The following SPATA21 variants were observed in gnomAD, a reference collection of about 807,000 sequenced individuals.
SPATA21 encodes the protein spermatogenesis associated 21, also known as spermatogenesis-associated protein 21.
In SPATA21, 47 loss-of-function variants were observed where a neutral mutation model predicts 54.8. The observed-to-expected ratio is 0.86, with a 90% CI of 0.68 to 1.09. SPATA21 has a LOEUF of 1.09. Ranked by LOEUF, SPATA21 falls within the 50% of genes least tolerant of loss-of-function variation. The pLI is 0.00. For synonymous variants in SPATA21, 245 were observed against 235.3 expected, an observed-to-expected ratio of 1.04 and a Z score of -0.38; for missense variants, 599 against 596.4, an observed-to-expected ratio of 1.00 and a Z score of -0.05.
At chr1:16,419,903 G>T (rs1346530492) in intron 5 of SPATA21, among the ~76,000 whole-genome samples, 1 of 152,180 alleles carries the variant, frequency 6.6e-6, no homozygotes, top group Admixed American at 6.5e-5. Context: ...TTGCGCCACT[G>T]CACTTCAGCC....
Position 16,427,753 on chromosome 1 carries a change from G to A in SPATA21, c.34+3585C>T, listed in dbSNP as rs192165186. 1.0e-5 allele frequency: 12 copies of A among 1,187,488 alleles called. No individual in the cohort carries two copies. The East Asian group carries it at 1.1e-4, about 11-fold the overall frequency. The allele number at this position is 1,187,488 out of a possible 1,614,324, so 73.6% of individuals were successfully genotyped here. A position where few individuals can be genotyped will look rare whatever the true frequency, so the allele number is the denominator to read the frequency against. ...TGAAAGAGAAGGACAAGGTGCTGTC[G>A]TGGGTGGAGCTGCCTTGGCCTGGGA... is the stretch of plus-strand genomic sequence containing the variant. On this transcript the variant is annotated intron_variant, in intron 3 of 12. Transcript: ENST00000335496.
At chr1:16,407,799 T>C (rs1453008899) in intron 7 of SPATA21, among the ~76,000 whole-genome samples, 4 of 152,124 alleles carry the variant, frequency 2.6e-5, no homozygotes. Context: ...AGGGTCTTGC[T>C]CTGTCGCCCA....
In SPATA21 at chr1:16,437,326, T is replaced by C. The variant is rs1341579766; in HGVS notation, c.-385A>G. On this transcript the variant is annotated 5_prime_UTR_variant, in exon 1 of 13. The change creates a new upstream start codon in the 5' untranslated region. Coordinates refer to ENST00000335496, the MANE Select transcript of SPATA21 (RefSeq NM_198546.1). ...GAGGTTTAGGAATGCATTTCAGGAA[T>C]ATCCAGCCATGTGGTTAGGGTTTGA... 1 of 152,268 alleles carries C rather than the reference T, an allele frequency of 6.6e-6. No homozygotes were observed. The highest frequency in any genetic ancestry group is 6.5e-5 in the Admixed American group (1 of 15,274). 9.4% of individuals were successfully genotyped at this position (152,268 alleles called of 1,614,324 possible).
chr1:16,421,420 C>A lies in SPATA21; in HGVS notation c.144+89G>T. The A allele has an allele frequency of 1.5e-6, 2 of 1,321,732 alleles. No homozygotes were observed. The highest frequency in any genetic ancestry group is 2.8e-5 in the South Asian group (2 of 71,292). 81.9% of individuals were successfully genotyped at this position (1,321,732 alleles called of 1,614,324 possible). On this transcript the variant is annotated intron_variant, in intron 5 of 12. Coordinates refer to ENST00000335496, the MANE Select transcript of SPATA21 (RefSeq NM_198546.1). The surrounding 1 kb of genome is among the most constrained non-coding windows in gnomAD (Gnocchi z 5.2). ...GACTCCAAATAGGGGTTTGACGTGCCACATCCGCTTCTGCCCTCTTCCTCC... is the reference window on the plus strand; with the variant it reads ...GACTCCAAATAGGGGTTTGACGTGCAACATCCGCTTCTGCCCTCTTCCTCC...
At chr1:16,399,932 G>C (rs1250902502) in intron 11 of SPATA21, among the ~76,000 whole-genome samples, 1 of 152,192 alleles carries the variant, frequency 6.6e-6, no homozygotes, top group Non-Finnish European at 1.5e-5. Context: ...CCAGTGGAAA[G>C]AGCATAGATT....
intron 5 of SPATA21, chr1:16,410,910 G>T (rs890154512): frequency 3.5e-6 from 1 of 283,068 alleles, no homozygotes; most frequent in Middle Eastern, 4.1e-4. Context: ...CCTGTTGTCT[G>T]CCCTCCTGAC....
chr1:16,435,640 A>C (rs1408183688), intron 1 of SPATA21, among the ~76,000 whole-genome samples: 1 of 147,526 alleles, frequency 6.8e-6, no homozygotes, highest in Non-Finnish European at 1.5e-5. Context: ...TTTTTCAGAC[A>C]GGGTCTTACT....
At chr1:16,406,641 C>T (rs2085651185) in intron 7 of SPATA21, among the ~76,000 whole-genome samples, 2 of 152,142 alleles carry the variant, frequency 1.3e-5, no homozygotes, top group Admixed American at 1.3e-4. Context: ...ACTCAGGAGG[C>T]TGAGGTGGAA....
At chr1:16,424,429 AT>A (rs1326967664) in intron 3 of SPATA21, among the ~76,000 whole-genome samples, 4 of 149,092 alleles carry the variant, frequency 2.7e-5, no homozygotes, top group Admixed American at 2.0e-4. Context: ...TTTTATTTTT[AT>A]TTTTTTTGAG....
chr1:16,399,649 C>G, intron 11 of SPATA21, 128 bp from the exon 12 acceptor site: 1 of 1,038,380 alleles, frequency 9.6e-7, no homozygotes, highest in Non-Finnish European at 1.4e-6. Context: ...GTCACTTAAC[C>G]TCTCTAAGCT....
At chr1:16,418,341 G>A (rs982811825) in intron 5 of SPATA21, among the ~76,000 whole-genome samples, 3 of 151,950 alleles carry the variant, frequency 2.0e-5, no homozygotes, top group African/African-American at 7.3e-5. Flanking sequence ...GCGTGATCTC[G>A]GCTCACTGGA....
Position 16,398,705 on chromosome 1 carries a change from C to G in SPATA21, c.*60G>C, listed in dbSNP as rs764597525. The stretch of plus-strand genomic sequence containing the variant: ...AAGCAAATCCCAGCAGCAGCTCCTG[C>G]CTGGTGGCCCATCTGTCTACAGGCC... On this transcript the variant is annotated 3_prime_UTR_variant, in exon 13 of 13. Transcript: ENST00000335496. 1.3e-6 allele frequency: 2 copies of G among 1,586,834 alleles called. No homozygotes were observed. The highest frequency in any genetic ancestry group is 3.3e-5 in the Admixed American group (2 of 59,786).
At chr1:16,420,441 C>T (rs1408770559) in intron 5 of SPATA21, among the ~76,000 whole-genome samples, 8 of 151,576 alleles carry the variant, frequency 5.3e-5, no homozygotes, top group Admixed American at 1.3e-4. Context: ...AGCTTGAACC[C>T]GGGAGGTGGA....
intron 2 of SPATA21, among the ~76,000 whole-genome samples, chr1:16,432,064 G>T (rs1048459387): frequency 6.6e-6 from 1 of 151,214 alleles, no homozygotes; most frequent in African/African-American, 2.4e-5. Flanking sequence ...CCCACACCCT[G>T]CCCTGGACAC....
intron 5 of SPATA21, among the ~76,000 whole-genome samples, chr1:16,420,003 T>G (rs1221145660): frequency 6.6e-6 from 1 of 151,904 alleles, no homozygotes; most frequent in Admixed American, 6.6e-5. Flanking sequence ...AGGGACTGAA[T>G]GAGATCATCC....
Position 16,403,725 on chromosome 1 carries a change from A to G in SPATA21, c.1001+2T>C. 2 of 1,611,904 alleles carry G rather than the reference A, an allele frequency of 1.2e-6. No homozygotes were observed. Among genetic ancestry groups the G allele is most frequent in the Non-Finnish European group, 1.7e-6 (2 of 1,178,400 alleles). On this transcript the variant is annotated splice_donor_variant, in intron 10 of 12. Coordinates refer to ENST00000335496, the MANE Select transcript of SPATA21 (RefSeq NM_198546.1). LOFTEE classifies it high-confidence loss of function. Reference sequence around the variant, plus strand: ...TCACCCCCAACAACCGGCCCCACTCACTTTGTGATTTCCTCTAAGACTGCC... The same window carrying G: ...TCACCCCCAACAACCGGCCCCACTCGCTTTGTGATTTCCTCTAAGACTGCC...
chr1:16,409,789 C>A lies in SPATA21; in HGVS notation c.399G>T (p.Ser133=). The change falls in exon 6 of 13, where the codon TCG becomes TCT. Residue 133 remains serine, a synonymous_variant. Coordinates refer to ENST00000335496, the MANE Select transcript of SPATA21 (RefSeq NM_198546.1). The surrounding 1 kb of genome is among the most constrained non-coding windows in gnomAD (Gnocchi z 4.1). ...SAPSLPQTPA[S]VPASGPSWAR... ...CCCACGATGGGCCGCTGGCAGGGAC[C>A]GAGGCAGGGGTCTGAGGCAGGCTTG... The A allele has an allele frequency of 1.2e-6, 2 of 1,602,092 alleles. No homozygotes were observed. The highest frequency in any genetic ancestry group is 1.7e-5 in the Admixed American group (1 of 58,210).
rs550876651 is a variant in SPATA21, at chr1:16,405,872, T to G, written c.674-768A>C. ...AGACTTAGTCAGAAAAACTGTCCAG[T>G]CATCTAACCTCTGAGCCTCAGTTTC... On this transcript the variant is annotated intron_variant, in intron 7 of 12. Transcript: ENST00000335496. 9.2e-5 allele frequency among the ~76,000 whole-genome samples: 14 copies of G among 152,318 alleles called. No individual in the cohort carries two copies. In the South Asian group the frequency reaches 2.7e-3, roughly 29 times the overall value.
chr1:16,430,190 G>A (rs939419355), intron 3 of SPATA21, among the ~76,000 whole-genome samples: 4 of 151,370 alleles, frequency 2.6e-5, no homozygotes, highest in African/African-American at 9.7e-5. Context: ...CACTTTGGGA[G>A]GCTGAGGCAG....
Sources: allele counts gnomAD v4.1 joint callset (sites outside exome capture counted in the v4.1 genomes callset), GRCh38; gene constraint gnomAD v4.1.1; non-coding constraint Gnocchi (gnomAD v3.1); transcripts MANE v1.5; gene names NCBI Gene and HGNC (gene_info 2026-07-23, HGNC 2026-07-21).